Variants in ANTXR2 observed in about 807,000 individuals in gnomAD.
ANTXR2 encodes ANTXR cell adhesion molecule 2.
Under a neutral mutation model 73.7 loss-of-function variants are expected in ANTXR2, and 44 were observed. That is an observed-to-expected ratio of 0.60 (90% confidence interval 0.47 to 0.77). The LOEUF (loss-of-function observed/expected upper bound fraction) is 0.77, where lower values mean the gene tolerates loss of function less well. Ranked by LOEUF, ANTXR2 falls within the 30% of genes least tolerant of loss-of-function variation. ANTXR2 has a pLI of 0.00. For missense variants in ANTXR2, 604 were observed against 592.5 expected, an observed-to-expected ratio of 1.02 and a Z score of -0.20; for synonymous variants, 217 against 205.9, an observed-to-expected ratio of 1.05 and a Z score of -0.46.
At chr4:80,015,458 T>C (rs1214936331) in intron 11 of ANTXR2, among the ~76,000 whole-genome samples, 2 of 152,216 alleles carry the variant, frequency 1.3e-5, no homozygotes, top group African/African-American at 2.4e-5. Context: ...CTAGCATTTG[T>C]TTCCTAAAAG....
In ANTXR2 at chr4:80,016,687, T is replaced by C. The variant is rs74628844; in HGVS notation, c.945+2211A>G. Among the ~76,000 whole-genome samples, 655 of 152,336 alleles carry C rather than the reference T, an allele frequency of 4.3e-3. 3 individuals are homozygous for C. The highest frequency in any genetic ancestry group is 6.8e-3 in the Non-Finnish European group (463 of 68,034). On this transcript the variant is annotated intron_variant, in intron 11 of 16. Transcript: ENST00000403729. ...CAACCTCACCACAACTGAACTTCTC[T>C]TTGCTCTGAAACTGCTGTGCCTGAT...
chr4:79,907,902 A>G (rs879386365), intron 16 of ANTXR2, among the ~76,000 whole-genome samples: 7 of 152,190 alleles, frequency 4.6e-5, no homozygotes, highest in Non-Finnish European at 1.0e-4. Context: ...GAGGAATCCC[A>G]AAAAAGGTAT....
At chr4:79,960,379 A>C (rs1338131911) in intron 16 of ANTXR2, among the ~76,000 whole-genome samples, 1 of 152,158 alleles carries the variant, frequency 6.6e-6, no homozygotes, top group Non-Finnish European at 1.5e-5. Context: ...TGGGAACCTA[A>C]AGTATCTTTC....
intron 6 of ANTXR2, 27 bp downstream of exon 6, chr4:80,055,123 A>G (rs376341824): frequency 3.1e-5 from 48 of 1,531,506 alleles, no homozygotes; most frequent in Non-Finnish European, 4.1e-5. Flanking sequence ...GGTTCAGATT[A>G]AAGTTTGCAG....
intron 3 of ANTXR2, among the ~76,000 whole-genome samples, chr4:80,063,232 GGTGA>G (rs1734343048): frequency 6.6e-6 from 1 of 152,004 alleles, no homozygotes. Context: ...GCAGCAAGAG[GGTGA>G]GTAATTTGTT....
chr4:79,915,598 A>C (rs1290944932), intron 16 of ANTXR2, among the ~76,000 whole-genome samples: 1 of 152,124 alleles, frequency 6.6e-6, no homozygotes, highest in Non-Finnish European at 1.5e-5. Context: ...CATGTTGTGT[A>C]CGACAGTAAA....
At chr4:79,992,423 A>G (rs925903416) in intron 12 of ANTXR2, among the ~76,000 whole-genome samples, 1 of 151,934 alleles carries the variant, frequency 6.6e-6, no homozygotes, top group African/African-American at 2.4e-5. Flanking sequence ...AGATATAAAT[A>G]GTAATTAAAT....
At chr4:79,957,969 A>C (rs1430193299) in intron 16 of ANTXR2, among the ~76,000 whole-genome samples, 2 of 152,088 alleles carry the variant, frequency 1.3e-5, no homozygotes, top group African/African-American at 4.8e-5. Flanking sequence ...AACCTTAAAA[A>C]CATAATTTAT....
At chr4:79,911,344 T>A (rs899331105) in intron 16 of ANTXR2, among the ~76,000 whole-genome samples, 1 of 152,222 alleles carries the variant, frequency 6.6e-6, no homozygotes, top group African/African-American at 2.4e-5. Flanking sequence ...TAGTTAATAA[T>A]GTTTCTTTTT....
intron 3 of ANTXR2, among the ~76,000 whole-genome samples, chr4:80,056,433 G>T (rs759892424): frequency 1.3e-5 from 2 of 151,866 alleles, no homozygotes; most frequent in Non-Finnish European, 2.9e-5. Context: ...AATTTTCCTT[G>T]TTATCTGCGA....
intron 16 of ANTXR2, among the ~76,000 whole-genome samples, chr4:79,966,127 G>GACACACACACACAC (rs10549471): frequency 0.064 from 9,524 of 149,418 alleles, 409 homozygotes; most frequent in Middle Eastern, 0.17. Context: ...CTAGGACTTA[G>GACACACACACACAC]ACACACACAC....
intron 11 of ANTXR2, among the ~76,000 whole-genome samples, chr4:80,010,018 A>T (rs1387009319): frequency 5.4e-5 from 8 of 148,576 alleles, no homozygotes; most frequent in Middle Eastern, 6.9e-3. Context: ...AATCCCTAGG[A>T]TCCTCAGTAA....
intron 12 of ANTXR2, among the ~76,000 whole-genome samples, chr4:79,995,063 C>A (rs192206448): frequency 6.6e-5 from 10 of 152,110 alleles, no homozygotes; most frequent in Admixed American, 5.9e-4. Context: ...AGCCCACCAA[C>A]TCCCTGTTGT....
chr4:80,040,178 C>G (rs1035733066), intron 7 of ANTXR2, among the ~76,000 whole-genome samples: 83 of 151,886 alleles, frequency 5.5e-4, no homozygotes, highest in African/African-American at 1.9e-3. Context: ...ATGTTCAGTA[C>G]CTGGGTGATG....
chr4:80,010,896 G>A (rs1239380319), intron 11 of ANTXR2, among the ~76,000 whole-genome samples: 3 of 151,822 alleles, frequency 2.0e-5, no homozygotes, highest in East Asian at 1.9e-4. Flanking sequence ...ACCTGTAATC[G>A]CAGCACTTTG....
At chr4:79,950,501 C>T (rs1217709743) in intron 16 of ANTXR2, among the ~76,000 whole-genome samples, 3 of 152,172 alleles carry the variant, frequency 2.0e-5, no homozygotes, top group Non-Finnish European at 4.4e-5. Flanking sequence ...TTTCTTCTTT[C>T]CCCTCTCCAC....
At chr4:80,069,875 G>T (rs973225585) in intron 2 of ANTXR2, among the ~76,000 whole-genome samples, 1 of 152,114 alleles carries the variant, frequency 6.6e-6, no homozygotes, top group African/African-American at 2.4e-5. Flanking sequence ...AGTGATTATG[G>T]TTATCAACAC....
Position 79,926,969 on chromosome 4 carries a change from G to GTATATATACACATGTGCATGTGTGTGTA in ANTXR2, c.1429-19503_1429-19502insTACACACACATGCACATGTGTATATATA, listed in dbSNP as rs1553925975. ...TGTATATATACGTGTGCATATATGT[G>GTATATATACACATGTGCATGTGTGTGTA]TATATATACGTGTGCATATATGTGT... On this transcript the variant is annotated intron_variant, in intron 16 of 16. Transcript: ENST00000403729. Among the ~76,000 whole-genome samples the GTATATATACACATGTGCATGTGTGTGTA allele has an allele frequency of 6.2e-5, 5 of 81,040 alleles. No individual in the cohort carries two copies. In the East Asian group the frequency reaches 1.2e-3, roughly 19 times the overall value. 53.2% of individuals were successfully genotyped at this position (81,040 alleles called of 152,430 possible). A position where few individuals can be genotyped will look rare whatever the true frequency, so the allele number is the denominator to read the frequency against.
chr4:80,056,776 G>T (rs1474097931), intron 3 of ANTXR2, among the ~76,000 whole-genome samples: 1 of 151,794 alleles, frequency 6.6e-6, no homozygotes. Context: ...TATCCCAACT[G>T]AATTTGTCTA....
Sources: gnomAD v4.1 joint callset for allele counts (sites outside exome capture counted in the v4.1 genomes callset) on GRCh38, gnomAD v4.1.1 for gene constraint, MANE v1.5 for transcripts, NCBI Gene and HGNC (gene_info 2026-07-23, HGNC 2026-07-21) for gene names.